Variants in CNTNAP2 observed in about 807,000 individuals in gnomAD.
The protein encoded by CNTNAP2 is contactin associated protein 2.
CNTNAP2 carries 98 observed loss-of-function variants against 155.2 expected under a neutral mutation model. The ratio of observed to expected loss-of-function variants is 0.63; its 90% CI spans 0.54 to 0.75. The LOEUF (loss-of-function observed/expected upper bound fraction) is 0.75. Ranked by LOEUF, CNTNAP2 falls within the 30% of genes least tolerant of loss-of-function variation. The pLI is 0.00. For missense variants in CNTNAP2, 1,727 were observed against 1,688.1 expected (o/e 1.02, Z -0.40); for synonymous variants, 651 against 631.2 (o/e 1.03, Z -0.47).
At chr7:147,430,697 T>C (rs902490241) in intron 10 of CNTNAP2, among the ~76,000 whole-genome samples, 4 of 151,942 alleles carry the variant, frequency 2.6e-5, no homozygotes, top group Admixed American at 6.6e-5. Flanking sequence ...TGAGTCCAAC[T>C]AGGACACAGA....
At chr7:146,541,981 G>T (rs866938966) in intron 1 of CNTNAP2, among the ~76,000 whole-genome samples, 18 of 151,868 alleles carry the variant, frequency 1.2e-4, no homozygotes, top group African/African-American at 4.1e-4. Flanking sequence ...CCTCAGGGCA[G>T]AAATTATTAT....
intron 4 of CNTNAP2, among the ~76,000 whole-genome samples, chr7:147,060,870 A>AAATAG (rs1313526125): frequency 1.3e-5 from 2 of 152,216 alleles, no homozygotes; most frequent in Admixed American, 6.5e-5. Context: ...TCTCAAAAAA[A>AAATAG]AAATAGAAAA....
In CNTNAP2 at chr7:146,998,837, C is replaced by T. The variant is rs112623437; in HGVS notation, c.403-45070C>T. ...TTTTATCTGATATAACTATACCTAG[C>T]CTTGCACTTTAATGGTTTCCATTCC... On this transcript the variant is annotated intron_variant, in intron 3 of 23. Transcript: ENST00000361727. Among the ~76,000 whole-genome samples the T allele has an allele frequency of 5.0e-4, 76 of 152,026 alleles. 1 individual carries two copies. Among genetic ancestry groups the T allele is most frequent in the African/African-American group, 1.6e-3 (68 of 41,518 alleles).
chr7:146,596,371 T>A (rs1184081875), intron 1 of CNTNAP2, among the ~76,000 whole-genome samples: 2 of 151,800 alleles, frequency 1.3e-5, no homozygotes, highest in African/African-American at 4.8e-5. Flanking sequence ...GAAAAGGCTG[T>A]GTAATAATGA....
At chr7:147,287,326 A>C (rs1173856879) in intron 8 of CNTNAP2, among the ~76,000 whole-genome samples, 1 of 152,020 alleles carries the variant, frequency 6.6e-6, no homozygotes, top group Non-Finnish European at 1.5e-5. Context: ...TCATCGGGGT[A>C]ATTAGATATG....
At chr7:146,771,565 T>C (rs1226379378) in intron 1 of CNTNAP2, among the ~76,000 whole-genome samples, 2 of 152,184 alleles carry the variant, frequency 1.3e-5, no homozygotes, top group Non-Finnish European at 2.9e-5. Context: ...AAATTTTAAG[T>C]TCTTTTCATT....
chr7:147,791,297 C>G (rs1228132777), intron 13 of CNTNAP2, among the ~76,000 whole-genome samples: 1 of 152,072 alleles, frequency 6.6e-6, no homozygotes, highest in African/African-American at 2.4e-5. Flanking sequence ...TCAACTACCT[C>G]CATTGTCCTA....
At chr7:148,387,311 A>C (rs975823800) in intron 22 of CNTNAP2, among the ~76,000 whole-genome samples, 1 of 152,190 alleles carries the variant, frequency 6.6e-6, no homozygotes, top group Non-Finnish European at 1.5e-5. Context: ...ACGGTTTTGC[A>C]CTTTTCTGGT....
At chr7:146,545,935 A>G (rs550659918) in intron 1 of CNTNAP2, among the ~76,000 whole-genome samples, 1 of 152,096 alleles carries the variant, frequency 6.6e-6, no homozygotes, top group South Asian at 2.1e-4. Flanking sequence ...TAATATTGGT[A>G]AACAAATATA....
chr7:147,742,105 A>G (rs1796965403), intron 13 of CNTNAP2, among the ~76,000 whole-genome samples: 1 of 152,112 alleles, frequency 6.6e-6, no homozygotes, highest in South Asian at 2.1e-4. Flanking sequence ...CACTATCACA[A>G]AAATAGCCCA....
intron 1 of CNTNAP2, among the ~76,000 whole-genome samples, chr7:146,330,132 C>T (rs1376740710): frequency 6.8e-6 from 1 of 146,600 alleles, no homozygotes; most frequent in Non-Finnish European, 1.5e-5. Context: ...AAGCAATTCT[C>T]CTGCCTCAGC....
chr7:146,936,374 A>G (rs565862274), intron 3 of CNTNAP2, among the ~76,000 whole-genome samples: 37 of 152,200 alleles, frequency 2.4e-4, no homozygotes, highest in Admixed American at 2.4e-3. Context: ...ACGTTTCTGT[A>G]TAAGGAGGTA....
At chr7:147,377,381 T>C (rs1796453531) in intron 9 of CNTNAP2, among the ~76,000 whole-genome samples, 1 of 151,948 alleles carries the variant, frequency 6.6e-6, no homozygotes, top group Non-Finnish European at 1.5e-5. Flanking sequence ...TCCTGAGTTT[T>C]AGTTCTCTTT....
At chr7:147,526,006 A>G (rs1464607038) in intron 11 of CNTNAP2, among the ~76,000 whole-genome samples, 3 of 152,022 alleles carry the variant, frequency 2.0e-5, no homozygotes. Flanking sequence ...CAGCCTGTCC[A>G]ACATGGTGAA....
chr7:146,147,436 C>G (rs1337454122), intron 1 of CNTNAP2, among the ~76,000 whole-genome samples: 1 of 152,120 alleles, frequency 6.6e-6, no homozygotes, highest in African/African-American at 2.4e-5. Flanking sequence ...TTTTTCCTGT[C>G]TTTTCATGCT....
intron 13 of CNTNAP2, among the ~76,000 whole-genome samples, chr7:147,863,723 A>T (rs1442827716): frequency 6.6e-6 from 1 of 151,388 alleles, no homozygotes; most frequent in Non-Finnish European, 1.5e-5. Flanking sequence ...CTGCAGAAAT[A>T]TCTTGTTTTG....
At chr7:147,368,080 TTCCTC>T (rs1474030255) in intron 9 of CNTNAP2, among the ~76,000 whole-genome samples, 4 of 55,260 alleles carry the variant, frequency 7.2e-5, no homozygotes, top group Non-Finnish European at 1.4e-4. Context: ...TCTCCCTCCT[TTCCTC>T]TCTCTCTCTG....
intron 15 of CNTNAP2, among the ~76,000 whole-genome samples, chr7:148,069,759 C>CAAAA (rs57389619): frequency 2.5e-4 from 17 of 68,836 alleles, no homozygotes; most frequent in Admixed American, 3.5e-4. Context: ...GACTCCGTCT[C>CAAAA]AAAAAAAAAA....
intron 3 of CNTNAP2, among the ~76,000 whole-genome samples, chr7:146,953,592 G>T (rs1252939602): frequency 6.6e-6 from 1 of 151,864 alleles, no homozygotes; most frequent in Non-Finnish European, 1.5e-5. Flanking sequence ...AATACCTCTT[G>T]CATCATATAT....
Sources: gnomAD v4.1 joint callset for allele counts (sites outside exome capture counted in the v4.1 genomes callset) on GRCh38, gnomAD v4.1.1 for gene constraint, MANE v1.5 for transcripts, NCBI Gene and HGNC (gene_info 2026-07-23, HGNC 2026-07-21) for gene names.